KDM4C: variants seen among roughly 807,000 people sequenced by gnomAD.
KDM4C encodes the protein lysine demethylase 4C.
Under a neutral mutation model 129.3 loss-of-function variants are expected in KDM4C, and 81 were observed. The observed-to-expected ratio is 0.63, with a 90% CI of 0.52 to 0.75. The LOEUF is 0.75. Ranked by LOEUF, KDM4C falls within the 30% of genes least tolerant of loss-of-function variation. The pLI is 0.00. For missense variants in KDM4C, 1,457 were observed against 1,304.0 expected (o/e 1.12, Z -1.81); for synonymous variants, 573 against 456.1 (o/e 1.26, Z -3.26).
intron 6 of KDM4C, among the ~76,000 whole-genome samples, chr9:6,883,038 T>C (rs1844719367): frequency 6.6e-6 from 1 of 152,088 alleles, no homozygotes; most frequent in African/African-American, 2.4e-5. Flanking sequence ...TCCCCTGAGA[T>C]CGTTTGGTCC....
chr9:7,106,898 C>T (rs1331394906), intron 18 of KDM4C, among the ~76,000 whole-genome samples: 2 of 151,552 alleles, frequency 1.3e-5, no homozygotes, highest in Non-Finnish European at 2.9e-5. Flanking sequence ...ATACATTATT[C>T]CATCAAGCAG....
chr9:6,870,850 G>C (rs984431189), intron 5 of KDM4C, among the ~76,000 whole-genome samples: 1 of 152,116 alleles, frequency 6.6e-6, no homozygotes, highest in Admixed American at 6.6e-5. Flanking sequence ...GTATAGGGCA[G>C]GCTTGTTTTA....
intron 15 of KDM4C, among the ~76,000 whole-genome samples, chr9:7,016,273 A>C (rs912843230): frequency 6.6e-6 from 1 of 151,408 alleles, no homozygotes; most frequent in Non-Finnish European, 1.5e-5. Flanking sequence ...GACTACAGGC[A>C]CCCGCCACCA....
chr9:7,121,015 G>A (rs1231007057), intron 18 of KDM4C, among the ~76,000 whole-genome samples: 1 of 152,100 alleles, frequency 6.6e-6, no homozygotes, highest in African/African-American at 2.4e-5. Flanking sequence ...ACATAAAGAA[G>A]TACTAAATAA....
rs115502010 is a variant in KDM4C at position 7,078,904 on chromosome 9, T to C, written c.2425-24781T>C. On this transcript the variant is annotated intron_variant, in intron 17 of 21. Transcript: ENST00000381309. The stretch of plus-strand genomic sequence containing the variant: ...TAGTTGTACTCACAGCTAAGATTTA[T>C]TGCAGTGAAAGGATACAAAGCAAAG... Among the ~76,000 whole-genome samples, 242 of 152,340 alleles carry C rather than the reference T, an allele frequency of 1.6e-3. 1 individual carries two copies. Among genetic ancestry groups the C allele is most frequent in the African/African-American group, 4.8e-3 (198 of 41,586 alleles).
intron 17 of KDM4C, among the ~76,000 whole-genome samples, chr9:7,057,251 G>A (rs1029422489): frequency 2.0e-5 from 3 of 152,220 alleles, no homozygotes; most frequent in Non-Finnish European, 4.4e-5. Flanking sequence ...TATTTTAGGT[G>A]TGGTCCCACA....
At chr9:7,159,278 T>G (rs1167013055) in intron 19 of KDM4C, among the ~76,000 whole-genome samples, 3 of 152,250 alleles carry the variant, frequency 2.0e-5, no homozygotes, top group Admixed American at 1.3e-4. Context: ...GTCTTGATTC[T>G]TTATCCAGTT....
chr9:6,940,026 C>CTTCCTTCT (rs1228332068), intron 8 of KDM4C, among the ~76,000 whole-genome samples: 3 of 134,190 alleles, frequency 2.2e-5, no homozygotes, highest in Non-Finnish European at 4.8e-5. Context: ...TCCTTCCTTC[C>CTTCCTTCT]TTCCTTCTTT....
intron 18 of KDM4C, among the ~76,000 whole-genome samples, chr9:7,107,481 G>A (rs1289858357): frequency 6.6e-6 from 1 of 152,196 alleles, no homozygotes; most frequent in Non-Finnish European, 1.5e-5. Flanking sequence ...GGCATGCAAT[G>A]TTTTTTCCTG....
At chr9:7,091,436 T>C (rs1835788963) in intron 17 of KDM4C, among the ~76,000 whole-genome samples, 1 of 152,202 alleles carries the variant, frequency 6.6e-6, no homozygotes, top group Non-Finnish European at 1.5e-5. Context: ...CTTAAAATCA[T>C]TTAAAGAAAG....
chr9:7,044,761 G>A (rs760531930), intron 15 of KDM4C, among the ~76,000 whole-genome samples: 10 of 151,900 alleles, frequency 6.6e-5, no homozygotes, highest in Non-Finnish European at 1.0e-4. Context: ...AGAGTGATCG[G>A]AATCAGGGTA....
At chr9:7,080,269 T>C (rs1272455091) in intron 17 of KDM4C, among the ~76,000 whole-genome samples, 2 of 152,160 alleles carry the variant, frequency 1.3e-5, no homozygotes, top group Non-Finnish European at 2.9e-5. Context: ...CTTACTGTTT[T>C]CTGAAATGGA....
At chr9:7,068,751 C>T (rs1312579958) in intron 17 of KDM4C, among the ~76,000 whole-genome samples, 2 of 130,684 alleles carry the variant, frequency 1.5e-5, no homozygotes, top group Non-Finnish European at 3.1e-5. Context: ...GGCTGGAGTG[C>T]AATGGTGCAA....
chr9:7,089,969 G>A (rs1835604997), intron 17 of KDM4C, among the ~76,000 whole-genome samples: 1 of 152,186 alleles, frequency 6.6e-6, no homozygotes, highest in Non-Finnish European at 1.5e-5. Context: ...CTGCCTGCCT[G>A]CCCATGCCAG....
chr9:6,734,288 GTTTTTTTTTT>G (rs57329090), intron 1 of KDM4C, among the ~76,000 whole-genome samples: 1 of 110,298 alleles, frequency 9.1e-6, no homozygotes, highest in Non-Finnish European at 1.8e-5. Context: ...CCCATGTTTG[GTTTTTTTTTT>G]TTTTTTTTTT....
rs553204157 is a variant in KDM4C at position 7,149,853 on chromosome 9, G to A, written c.2782-15385G>A. On this transcript the variant is annotated intron_variant, in intron 19 of 21. Transcript: ENST00000381309. ...TTCCATACCTTTAAATAAAGAAGAG[G>A]TTACTGAAAGAAGGATCTAAGAGGA... Among the ~76,000 whole-genome samples the A allele has an allele frequency of 1.6e-4, 25 of 152,290 alleles. No individual in the cohort carries two copies. The East Asian group carries it at 4.4e-3, about 27-fold the overall frequency.
chr9:6,796,609 A>G (rs772216231), intron 2 of KDM4C, among the ~76,000 whole-genome samples: 2 of 152,224 alleles, frequency 1.3e-5, no homozygotes, highest in Non-Finnish European at 2.9e-5. Flanking sequence ...CGCTGTCTGC[A>G]TTATGTAACT....
chr9:6,997,365 A>G (rs1586801924), intron 12 of KDM4C, among the ~76,000 whole-genome samples: 1 of 152,234 alleles, frequency 6.6e-6, no homozygotes, highest in Admixed American at 6.5e-5. Context: ...CACACTTGAG[A>G]AAAAGAAAAA....
At chr9:6,948,871 T>C (rs1441076497) in intron 8 of KDM4C, among the ~76,000 whole-genome samples, 6 of 152,274 alleles carry the variant, frequency 3.9e-5, no homozygotes, top group African/African-American at 9.6e-5. Flanking sequence ...TGGAGTCTCC[T>C]ATGTCTACTT....
Sources: gnomAD v4.1 joint callset for allele counts (sites outside exome capture counted in the v4.1 genomes callset) on GRCh38, gnomAD v4.1.1 for gene constraint, MANE v1.5 for transcripts, NCBI Gene and HGNC (gene_info 2026-07-23, HGNC 2026-07-21) for gene names.